CHST8: variants seen among roughly 807,000 people sequenced by gnomAD.
CHST8 encodes the protein GALNAC-4-ST1.
CHST8 carries 10 observed loss-of-function variants against 15.0 expected under a neutral mutation model. The ratio of observed to expected loss-of-function variants is 0.67; its 90% confidence interval spans 0.41 to 1.13. CHST8 has a LOEUF of 1.13. Among genes scored for constraint, CHST8 ranks in the 50% most tolerant of loss-of-function variants. The probability of loss-of-function intolerance (pLI) is 0.00; values close to 1 mark genes in which losing one functional copy is unlikely to be tolerated. For missense variants in CHST8, 634 were observed against 608.2 expected (o/e 1.04, Z -0.45); for synonymous variants, 259 against 256.6 (o/e 1.01, Z -0.09).
rs1442540645 is a variant in CHST8, at chr19:33,757,462, GA to G, written c.131-13948del. 1.4e-3 allele frequency among the ~76,000 whole-genome samples: 53 copies of G among 38,146 alleles called. 6 individuals are homozygous for G. The highest frequency in any genetic ancestry group is 2.1e-3 in the Non-Finnish European group (40 of 18,928). The allele number at this position is 38,146 out of a possible 152,430, so 25.0% of individuals were successfully genotyped here. On this transcript the variant is annotated intron_variant, in intron 3 of 4. Coordinates refer to ENST00000650847, the MANE Select transcript of CHST8 (RefSeq NM_001127895.2). ...AGAAAGAAAGAAAGAAAGAAAGAAAGAAAGAAAGAAAGAAAGAAAGAAAGAA... is the reference window on the plus strand; with the variant it reads ...AGAAAGAAAGAAAGAAAGAAAGAAAGAAGAAAGAAAGAAAGAAAGAAAGAA...
chr19:33,762,640 G>A (rs957636361), intron 3 of CHST8, among the ~76,000 whole-genome samples: 5 of 152,252 alleles, frequency 3.3e-5, no homozygotes, highest in African/African-American at 1.2e-4. Flanking sequence ...AAGGGAACCA[G>A]GTGATCAGCA....
intron 3 of CHST8, among the ~76,000 whole-genome samples, chr19:33,716,248 T>C (rs284328): frequency 0.59 from 89,584 of 152,108 alleles, 26,722 homozygotes; most frequent in East Asian, 0.87. Context: ...CTGTTTCCTC[T>C]GATGTCATCT....
chr19:33,643,828 G>A (rs1369921916), intron 1 of CHST8, among the ~76,000 whole-genome samples: 1 of 152,142 alleles, frequency 6.6e-6, no homozygotes, highest in Non-Finnish European at 1.5e-5. Flanking sequence ...AATATCTAGC[G>A]AAGATTAGTG....
At chr19:33,672,771 G>C (rs578045478) in intron 2 of CHST8, among the ~76,000 whole-genome samples, 34 of 152,340 alleles carry the variant, frequency 2.2e-4, no homozygotes, top group African/African-American at 8.2e-4. Context: ...GACGCTTGGC[G>C]TGGATGTCTG....
intron 3 of CHST8, among the ~76,000 whole-genome samples, chr19:33,704,828 T>C (rs573267488): frequency 1.3e-5 from 2 of 151,640 alleles, no homozygotes; most frequent in Admixed American, 6.6e-5. Flanking sequence ...GAGAATAGCT[T>C]GAACCCAGGA....
chr19:33,625,099 T>A (rs1292276659), intron 1 of CHST8, among the ~76,000 whole-genome samples: 1 of 152,008 alleles, frequency 6.6e-6, no homozygotes, highest in East Asian at 1.9e-4. Context: ...TTTTTTTTTT[T>A]TTTGAGATAA....
At chr19:33,754,482 C>T (rs1484811126) in intron 3 of CHST8, among the ~76,000 whole-genome samples, 1 of 152,164 alleles carries the variant, frequency 6.6e-6, no homozygotes, top group Non-Finnish European at 1.5e-5. Flanking sequence ...CATCTTAACC[C>T]TATGCCTGCT....
chr19:33,623,069 C>T (rs1972006451), intron 1 of CHST8, among the ~76,000 whole-genome samples: 1 of 152,178 alleles, frequency 6.6e-6, no homozygotes, highest in South Asian at 2.1e-4. Flanking sequence ...AGGGCGATCA[C>T]GGGTTTTGGC....
chr19:33,637,678 A>G, intron 1 of CHST8, among the ~76,000 whole-genome samples: 1 of 145,188 alleles, frequency 6.9e-6, no homozygotes, highest in East Asian at 2.2e-4. Context: ...CTGGGATTAC[A>G]GGCGTGAGCC....
chr19:33,640,004 T>C (rs1374805296), intron 1 of CHST8, among the ~76,000 whole-genome samples: 1 of 152,028 alleles, frequency 6.6e-6, no homozygotes, highest in African/African-American at 2.4e-5. Context: ...CATGCCTGGC[T>C]AATTTTTTTT....
intron 2 of CHST8, among the ~76,000 whole-genome samples, chr19:33,672,512 T>C (rs1600251298): frequency 6.6e-6 from 1 of 152,146 alleles, no homozygotes; most frequent in East Asian, 1.9e-4. Context: ...ATCAAAAGTA[T>C]TTTTTCATCT....
intron 2 of CHST8, among the ~76,000 whole-genome samples, chr19:33,678,020 C>T (rs549777664): frequency 2.0e-5 from 3 of 152,100 alleles, no homozygotes; most frequent in Non-Finnish European, 4.4e-5. Flanking sequence ...CAGAGCCGCA[C>T]CGAGGGACTG....
intron 3 of CHST8, among the ~76,000 whole-genome samples, chr19:33,743,731 C>G (rs1974252054): frequency 6.6e-6 from 1 of 152,152 alleles, no homozygotes; most frequent in Non-Finnish European, 1.5e-5. Flanking sequence ...TCCTCTAACC[C>G]AAGAGAATCC....
intron 3 of CHST8, among the ~76,000 whole-genome samples, chr19:33,748,341 G>T (rs1251660861): frequency 6.6e-6 from 1 of 152,252 alleles, no homozygotes; most frequent in Non-Finnish European, 1.5e-5. Context: ...CACCTGGTGA[G>T]AAGTGGAGAC....
At chr19:33,757,510 GAAAGAAAGAAAGAGAAAGAAA>G (rs1974607149) in intron 3 of CHST8, among the ~76,000 whole-genome samples, 1 of 48,978 alleles carries the variant, frequency 2.0e-5, no homozygotes, top group Non-Finnish European at 4.0e-5. Context: ...AAGAAAGAAA[GAAAGAAAGAAAGAGAAAGAAA>G]GAAAGAAAGA....
At chr19:33,759,728 G>T (rs2145375629) in intron 3 of CHST8, among the ~76,000 whole-genome samples, 1 of 152,296 alleles carries the variant, frequency 6.6e-6, no homozygotes, top group Non-Finnish European at 1.5e-5. Flanking sequence ...CTCCTGCGCA[G>T]GGAATAGCAT....
At chr19:33,662,385 A>G (rs954691483) in intron 1 of CHST8, among the ~76,000 whole-genome samples, 5 of 152,172 alleles carry the variant, frequency 3.3e-5, no homozygotes, top group African/African-American at 7.2e-5. Context: ...GCTTGAAAGG[A>G]CAATTTCGTA....
intron 1 of CHST8, among the ~76,000 whole-genome samples, chr19:33,644,150 C>G (rs933203953): frequency 1.5e-4 from 23 of 152,162 alleles, no homozygotes; most frequent in African/African-American, 5.6e-4. Context: ...CCAGGCTAGT[C>G]TCGAACTCCT....
intron 3 of CHST8, among the ~76,000 whole-genome samples, chr19:33,706,516 G>C (rs1165873764): frequency 6.6e-6 from 1 of 152,160 alleles, no homozygotes; most frequent in Non-Finnish European, 1.5e-5. Flanking sequence ...CCCTGACAAT[G>C]TCACCTGCCA....
Sources: allele counts gnomAD v4.1 joint callset (sites outside exome capture counted in the v4.1 genomes callset), GRCh38; gene constraint gnomAD v4.1.1; transcripts MANE v1.5; gene names NCBI Gene and HGNC (gene_info 2026-07-23, HGNC 2026-07-21).